The following SACS variants were observed in gnomAD, a reference collection of about 807,000 sequenced individuals.
The protein encoded by SACS is sacsin molecular chaperone.
A neutral mutation model predicts 348.0 loss-of-function variants in SACS; 197 were observed. That is an observed-to-expected ratio of 0.57 (90% CI 0.50 to 0.64). SACS has a LOEUF of 0.64. Ranked by LOEUF, SACS falls within the 30% of genes least tolerant of loss-of-function variation. The probability of loss-of-function intolerance (pLI) is 0.00; values close to 1 mark genes in which losing one functional copy is unlikely to be tolerated. For missense variants in SACS, 4,999 were observed against 5,360.8 expected, an observed-to-expected ratio of 0.93 and a Z score of 2.11; for synonymous variants, 1,985 against 1,910.6, an observed-to-expected ratio of 1.04 and a Z score of -1.02.
At position 23,336,416 on chromosome 13, in the gene SACS, T is replaced by A; in HGVS notation, c.7460A>T (p.Asp2487Val). Residue 2487 changes from aspartate to valine, a missense_variant, in exon 10 of 10, where the codon GAC becomes GTC. Coordinates refer to ENST00000382292, the MANE Select transcript of SACS (RefSeq NM_014363.6). The stretch of plus-strand genomic sequence containing the variant: ...TTTTACTGCTACTTCCCTGGGTATG[T>A]CAGCATGACAATATTTTACAGTGGT... The part of the protein sequence containing the change: ...KDTTVKYCHA[D>V]IPREVAVKLG... 1 of 1,614,112 alleles carries A rather than the reference T, an allele frequency of 6.2e-7. No homozygotes were observed. The highest frequency in any genetic ancestry group is 1.1e-5 in the South Asian group (1 of 91,082).
intron 1 of SACS, among the ~76,000 whole-genome samples, chr13:23,417,011 C>A (rs933411950): frequency 7.2e-5 from 11 of 151,832 alleles, no homozygotes; most frequent in African/African-American, 2.4e-4. Flanking sequence ...TAGATTTTTT[C>A]AAGATTACTG....
In SACS at chr13:23,331,501, T is replaced by A. The variant is rs1436419066; in HGVS notation, c.12375A>T (p.Gly4125=). The A allele has an allele frequency of 1.2e-6, 2 of 1,613,960 alleles. No homozygotes were observed. The highest frequency in any genetic ancestry group is 2.2e-5 in the South Asian group (2 of 91,084). ...SDTSYLIAML[G]CNDIYRIGEK... ...CACCAATCCTGTAAATATCATTGCATCCTAGCATAGCAATTAAATATGAAG... is the reference window on the plus strand; with the variant it reads ...CACCAATCCTGTAAATATCATTGCAACCTAGCATAGCAATTAAATATGAAG... The change falls in exon 10 of 10, where the codon GGA becomes GGT. Residue 4125 remains glycine, a synonymous_variant. Transcript: ENST00000382292.
intron 2 of SACS, chr13:23,375,515 T>C (rs948929249): frequency 9.0e-7 from 1 of 1,109,692 alleles, no homozygotes. Context: ...GAGGAAACGC[T>C]AGAGGAAGCC....
intron 3 of SACS, among the ~76,000 whole-genome samples, chr13:23,372,126 G>A (rs775112450): frequency 2.0e-5 from 3 of 152,162 alleles, no homozygotes; most frequent in Admixed American, 6.5e-5. Flanking sequence ...TCCTCCTGCC[G>A]AAGTACCTGT....
rs140671039 is a variant in SACS at position 23,355,301 on chromosome 13, C to A, written c.1311G>T (p.Thr437=). The A allele has an allele frequency of 6.2e-7, 1 of 1,614,090 alleles. No homozygotes were observed. Among genetic ancestry groups the A allele is most frequent in the South Asian group, 1.1e-5 (1 of 91,076 alleles). Residue 437 remains threonine, a synonymous_variant, in exon 8 of 10, where the codon ACG becomes ACT. Coordinates refer to ENST00000382292, the MANE Select transcript of SACS (RefSeq NM_014363.6). The part of the protein sequence containing the change: ...SSRDDEAKGA[T]SDFSGKAFCF... Reference sequence around the variant, plus strand: ...AAAATGCTTTTCCTGAGAAATCAGACGTTGCTCCTTTTGCTTCATCATCTC... The same window carrying A: ...AAAATGCTTTTCCTGAGAAATCAGAAGTTGCTCCTTTTGCTTCATCATCTC...
intron 6 of SACS, among the ~76,000 whole-genome samples, chr13:23,359,759 C>G (rs924770206): frequency 6.6e-6 from 1 of 152,010 alleles, no homozygotes; most frequent in African/African-American, 2.4e-5. Flanking sequence ...GATCTTGAGG[C>G]TGCAGCTTGA....
rs1350888202 is a variant in SACS at position 23,375,598 on chromosome 13, C to A, written c.21-329G>T. The A allele has an allele frequency of 5.0e-6, 5 of 1,004,368 alleles. No homozygotes were observed. In the East Asian group the frequency reaches 2.8e-4, roughly 57 times the overall value. 62.2% of individuals were successfully genotyped at this position (1,004,368 alleles called of 1,614,324 possible). On this transcript the variant is annotated intron_variant, in intron 2 of 9. Transcript: ENST00000382292. Reference sequence around the variant, plus strand: ...CACTCCCGGCCCTGCAGGCGCCGCCCGCGGGGACACGCCCACCCGCCGGGA... The same window carrying A: ...CACTCCCGGCCCTGCAGGCGCCGCCAGCGGGGACACGCCCACCCGCCGGGA...
At chr13:23,381,152 G>A (rs1352919988) in intron 2 of SACS, among the ~76,000 whole-genome samples, 1 of 152,150 alleles carries the variant, frequency 6.6e-6, no homozygotes, top group Non-Finnish European at 1.5e-5. Flanking sequence ...GGAACCCAGG[G>A]CTCCACTTGA....
Position 23,399,071 on chromosome 13 carries a change from G to C in SACS, c.20+12149C>G, listed in dbSNP as rs536079210. Among the ~76,000 whole-genome samples, 396 of 138,088 alleles carry C rather than the reference G, an allele frequency of 2.9e-3. 1 individual carries two copies. The highest frequency in any genetic ancestry group is 5.1e-3 in the Non-Finnish European group (329 of 64,518). 90.6% of individuals were successfully genotyped at this position (138,088 alleles called of 152,430 possible). A position where few individuals can be genotyped will look rare whatever the true frequency, so the allele number is the denominator to read the frequency against. On this transcript the variant is annotated intron_variant, in intron 2 of 9. Coordinates refer to ENST00000382292, the MANE Select transcript of SACS (RefSeq NM_014363.6). ...CCTGGCTCTTAGTTAATTATTGATA[G>C]AGCAGGAGCATCGCCATCTTGGACA...
chr13:23,333,894 C>T lies in SACS; in HGVS notation c.9982G>A (p.Gly3328Ser), dbSNP rs1883653956. Residue 3328 changes from glycine to serine, a missense_variant, in exon 10 of 10, where the codon GGC becomes AGC. Transcript: ENST00000382292. ...DKVFHALMKA[G>S]CIQLALNKIC... ...TTGTTCAAAGCAAGCTGAATACAGC[C>T]AGCTTTCATTAGAGCATGAAAAACT... 2 of 1,613,796 alleles carry T rather than the reference C, an allele frequency of 1.2e-6. No individual in the cohort carries two copies. The highest frequency in any genetic ancestry group is 1.7e-6 in the Non-Finnish European group (2 of 1,179,832).
At position 23,336,176 on chromosome 13, in the gene SACS, G is replaced by A; in HGVS notation, c.7700C>T (p.Pro2567Leu). ...TATTCTATCAACTGGATGCTGTCTA[G>A]GATCAAACACAAAACAGATTTCTGT... Reference protein sequence around the residue: ...KATEICFVFDPRQHPVDRIFD... With the variant: ...KATEICFVFDLRQHPVDRIFD... Residue 2567 changes from proline (P) to leucine (L), a missense_variant, in exon 10 of 10, where the codon CCT (proline) becomes CTT (leucine). This residue lies in a region of SACS where 3,156 missense variants were observed against 3,380.1 expected (regional missense o/e 0.93). Transcript: ENST00000382292. 1 of 1,614,010 alleles carries A rather than the reference G, an allele frequency of 6.2e-7. No individual in the cohort carries two copies. The highest frequency in any genetic ancestry group is 8.5e-7 in the Non-Finnish European group (1 of 1,179,916).
Position 23,338,639 on chromosome 13 carries a change from T to C in SACS, c.5237A>G (p.Asn1746Ser). 1.2e-6 allele frequency: 2 copies of C among 1,614,182 alleles called. No homozygotes were observed. The highest frequency in any genetic ancestry group is 4.5e-5 in the East Asian group (2 of 44,890). ...AKLMKTCSSSNKKLPSDEPKS... is the reference protein window; with the variant it reads ...AKLMKTCSSSSKKLPSDEPKS... ...TGGTTCATCACTGGGAAGCTTTTTA[T>C]TACTGCTGCTGCAAGTCTTCATGAG... The change falls in exon 10 of 10, where the codon AAT (asparagine) becomes AGT (serine). Residue 1746 changes from asparagine (N) to serine (S), a missense_variant. Around this residue, in one of 6 missense-constraint regions of SACS, gnomAD observed 3,156 missense variants for 3,380.1 expected, o/e 0.93. Coordinates refer to ENST00000382292, the MANE Select transcript of SACS (RefSeq NM_014363.6).
At position 23,392,394 on chromosome 13, in the gene SACS, T is replaced by TG. The variant is rs1163066424; in HGVS notation, c.21-17126dup. Among the ~76,000 whole-genome samples the TG allele has an allele frequency of 7.9e-5, 12 of 152,312 alleles. 1 individual carries two copies. In the East Asian group the frequency reaches 2.3e-3, roughly 29 times the overall value. On this transcript the variant is annotated intron_variant, in intron 2 of 9. Transcript: ENST00000382292. ...ACTGCTTATTAGGCTGAGACAGTGGTGGACAGCACCTTTCCTAGAACGCCT... is the reference window on the plus strand; with the variant it reads ...ACTGCTTATTAGGCTGAGACAGTGGTGGGACAGCACCTTTCCTAGAACGCCT...
chr13:23,380,804 C>T (rs181557564), intron 2 of SACS, among the ~76,000 whole-genome samples: 5 of 152,250 alleles, frequency 3.3e-5, no homozygotes, highest in Admixed American at 2.0e-4. Flanking sequence ...CAGTTATTGA[C>T]GTAACAGAGA....
chr13:23,433,226 C>T (rs1040206064), intron 1 of SACS, among the ~76,000 whole-genome samples: 1 of 152,112 alleles, frequency 6.6e-6, no homozygotes, highest in Non-Finnish European at 1.5e-5. Flanking sequence ...TGCAACAGCT[C>T]CATTGTGGCG....
At chr13:23,384,250 C>T (rs530661573) in intron 2 of SACS, among the ~76,000 whole-genome samples, 1 of 152,370 alleles carries the variant, frequency 6.6e-6, no homozygotes, top group South Asian at 2.1e-4. Flanking sequence ...TCGTAGACAT[C>T]TTCAGCATTT....
chr13:23,389,016 T>C (rs949543748), intron 2 of SACS, among the ~76,000 whole-genome samples: 1 of 152,202 alleles, frequency 6.6e-6, no homozygotes, highest in Non-Finnish European at 1.5e-5. Context: ...GAGTTTTCTA[T>C]GGACAAGGCA....
rs1883368470 is a variant in SACS, at chr13:23,330,075, T to C, written c.*61A>G. 1.4e-6 allele frequency: 2 copies of C among 1,437,442 alleles called. No homozygotes were observed. Among genetic ancestry groups the C allele is most frequent in the South Asian group, 1.2e-5 (1 of 85,032 alleles). 89.0% of individuals were successfully genotyped at this position (1,437,442 alleles called of 1,614,324 possible). A position where few individuals can be genotyped will look rare whatever the true frequency, so the allele number is the denominator to read the frequency against. On this transcript the variant is annotated 3_prime_UTR_variant, in exon 10 of 10. Coordinates refer to ENST00000382292, the MANE Select transcript of SACS (RefSeq NM_014363.6). ...TAATTGGCAATGAAGCTTAATGAAG[T>C]ACAGCAATTTATTCGTGCTACAACA... is the stretch of plus-strand genomic sequence containing the variant.
Position 23,368,483 on chromosome 13 carries a change from T to C in SACS, c.264A>G (p.Arg88=), listed in dbSNP as rs1372721790. Residue 88 remains arginine (R), a synonymous_variant, in exon 5 of 10, where the codon CGA becomes CGG. Transcript: ENST00000382292. ...LQSKGLKGGG[R]FGQTTPPLVD... ...CAAGTGGTGGCGTTGTCTGACCAAA[T>C]CGACCTAAAATACGGAGCACATTTT... 5.6e-6 allele frequency: 9 copies of C among 1,611,892 alleles called. No homozygotes were observed. In the African/African-American group the frequency reaches 6.7e-5, roughly 12 times the overall value.
Sources: gnomAD v4.1 joint callset for allele counts (sites outside exome capture counted in the v4.1 genomes callset) on GRCh38, gnomAD v4.1.1 for gene constraint, gnomAD v4.1.1 regional missense constraint, MANE v1.5 for transcripts, NCBI Gene and HGNC (gene_info 2026-07-23, HGNC 2026-07-21) for gene names.